Variants in APBB2 observed in about 807,000 individuals in gnomAD.
The protein encoded by APBB2 is amyloid beta precursor protein binding family B member 2.
In APBB2, 38 loss-of-function variants were observed where a neutral mutation model predicts 82.5. That is an observed-to-expected ratio of 0.46 (90% CI 0.36 to 0.60). APBB2 has a LOEUF of 0.60. APBB2 is among the 20% of genes least tolerant of loss of function. The probability of loss-of-function intolerance (pLI) is 0.00; values close to 1 mark genes in which losing one functional copy is unlikely to be tolerated. For synonymous variants in APBB2, 341 were observed against 368.2 expected (o/e 0.93, Z 0.85); for missense variants, 772 against 972.3 (o/e 0.79, Z 2.74).
At chr4:40,906,080 A>G (rs1451763158) in intron 10 of APBB2, among the ~76,000 whole-genome samples, 1 of 152,198 alleles carries the variant, frequency 6.6e-6, no homozygotes, top group Non-Finnish European at 1.5e-5. Flanking sequence ...CTTTTAAGAC[A>G]CAAGATACAC....
intron 10 of APBB2, among the ~76,000 whole-genome samples, chr4:40,915,309 G>GTTTTTCTCC (rs1779574565): frequency 6.6e-6 from 1 of 152,106 alleles, no homozygotes; most frequent in South Asian, 2.1e-4. Context: ...CTTCCCTGCT[G>GTTTTTCTCC]TTTTTCTCCA....
At chr4:41,111,029 G>C (rs934485736) in intron 2 of APBB2, among the ~76,000 whole-genome samples, 6 of 152,214 alleles carry the variant, frequency 3.9e-5, no homozygotes, top group Admixed American at 3.9e-4. Flanking sequence ...GACAGTACCA[G>C]ATCATCAGGC....
chr4:41,198,716 G>A (rs1291294625), intron 1 of APBB2, among the ~76,000 whole-genome samples: 3 of 152,128 alleles, frequency 2.0e-5, no homozygotes, highest in Non-Finnish European at 4.4e-5. Context: ...ATTCTCTCTC[G>A]GTTCTAGAAG....
chr4:41,103,599 T>C (rs958572951), intron 2 of APBB2, among the ~76,000 whole-genome samples: 1 of 152,078 alleles, frequency 6.6e-6, no homozygotes, highest in African/African-American at 2.4e-5. Flanking sequence ...AATATACTCA[T>C]CTTCCCAGTT....
chr4:40,966,347 G>A (rs1794650076), intron 6 of APBB2, among the ~76,000 whole-genome samples: 1 of 152,242 alleles, frequency 6.6e-6, no homozygotes, highest in Non-Finnish European at 1.5e-5. Context: ...CCCATCTGGA[G>A]TGCTGCTATG....
chr4:40,944,876 G>A lies in APBB2; in HGVS notation c.1033C>T (p.Pro345Ser). 3 of 1,612,802 alleles carry A rather than the reference G, an allele frequency of 1.9e-6. No homozygotes were observed. Among genetic ancestry groups the A allele is most frequent in the Non-Finnish European group, 2.5e-6 (3 of 1,179,974 alleles). Reference sequence around the variant, plus strand: ...ACACTCCGTTTTACCTCGTTCTCTGGGGTGGGAGATGGCGTTACAGAACTA... The same window carrying A: ...ACACTCCGTTTTACCTCGTTCTCTGAGGTGGGAGATGGCGTTACAGAACTA... ...SLSSVTPSPT[P>S]ENEKQPWSDF... Residue 345 changes from proline (P) to serine (S), a missense_variant, in exon 7 of 18, where the codon CCA (proline) becomes TCA (serine). Physicochemically the swap from Pro to Ser is moderately conservative, Grantham distance 74 (BLOSUM62 -1). Transcript: ENST00000508593.
intron 1 of APBB2, among the ~76,000 whole-genome samples, chr4:41,144,389 G>C (rs1410225017): frequency 6.6e-6 from 1 of 152,202 alleles, no homozygotes; most frequent in Non-Finnish European, 1.5e-5. Context: ...ATAATCTAAA[G>C]ACACCTAAGT....
rs558108476 is a variant in APBB2, at chr4:40,844,177, G to C, written c.1530-13600C>G. On this transcript the variant is annotated intron_variant, in intron 12 of 17. Coordinates refer to ENST00000508593, the MANE Select transcript of APBB2 (RefSeq NM_004307.2). ...AGCTGTGCTCAAATCCAGATGGGTA[G>C]CCACATTCCTTCAAGTACACTGCTT... Among the ~76,000 whole-genome samples, 18 of 152,300 alleles carry C rather than the reference G, an allele frequency of 1.2e-4. No homozygotes were observed. The South Asian group carries it at 3.7e-3, about 32-fold the overall frequency.
intron 12 of APBB2, among the ~76,000 whole-genome samples, chr4:40,883,057 A>C (rs568749264): frequency 6.6e-6 from 1 of 152,284 alleles, no homozygotes; most frequent in South Asian, 2.1e-4. Context: ...CAGAGCAACA[A>C]TCTGGAAGGA....
At chr4:41,049,133 G>A (rs1724666238) in intron 4 of APBB2, among the ~76,000 whole-genome samples, 1 of 150,990 alleles carries the variant, frequency 6.6e-6, no homozygotes, top group South Asian at 2.1e-4. Flanking sequence ...CATCGTCTGA[G>A]ATGTGAGGAG....
rs1319701450 is a variant in APBB2 at position 40,814,169 on chromosome 4, G to A, written c.*1923C>T. The A allele has an allele frequency of 6.6e-6, 1 of 152,200 alleles. No homozygotes were observed. Among genetic ancestry groups the A allele is most frequent in the African/African-American group, 2.4e-5 (1 of 41,440 alleles). The allele number at this position is 152,200 out of a possible 1,614,324, so 9.4% of individuals were successfully genotyped here. On this transcript the variant is annotated 3_prime_UTR_variant, in exon 18 of 18. Coordinates refer to ENST00000508593, the MANE Select transcript of APBB2 (RefSeq NM_004307.2). ...CTGGAAAATCTCGTAGATGGAACAGGCTGTGAATGTAGAATCCTGCCCTCT... is the reference window on the plus strand; with the variant it reads ...CTGGAAAATCTCGTAGATGGAACAGACTGTGAATGTAGAATCCTGCCCTCT...
At chr4:41,126,699 C>T (rs1754503496) in intron 2 of APBB2, among the ~76,000 whole-genome samples, 2 of 152,276 alleles carry the variant, frequency 1.3e-5, no homozygotes, top group Non-Finnish European at 2.9e-5. Context: ...GTGTCAGCAG[C>T]ACTGGTTTAT....
intron 10 of APBB2, among the ~76,000 whole-genome samples, chr4:40,903,694 G>A (rs1775946850): frequency 6.6e-6 from 1 of 152,142 alleles, no homozygotes; most frequent in South Asian, 2.1e-4. Context: ...AAGAGAAATA[G>A]AAGCCACAGG....
intron 1 of APBB2, among the ~76,000 whole-genome samples, chr4:41,158,563 C>T (rs1437980051): frequency 2.0e-5 from 3 of 152,172 alleles, no homozygotes. Context: ...CTAATGCACA[C>T]ATGGAGGTGA....
At chr4:40,860,648 A>C (rs1762535216) in intron 12 of APBB2, among the ~76,000 whole-genome samples, 1 of 152,138 alleles carries the variant, frequency 6.6e-6, no homozygotes, top group South Asian at 2.1e-4. Flanking sequence ...GCAAATTATC[A>C]AACCTGAGGG....
chr4:40,932,563 T>C (rs905597589), intron 10 of APBB2, among the ~76,000 whole-genome samples: 1 of 152,208 alleles, frequency 6.6e-6, no homozygotes, highest in Non-Finnish European at 1.5e-5. Flanking sequence ...GCGATGTTAC[T>C]TGTAGACACA....
At chr4:41,031,981 T>C (rs573692780) in intron 5 of APBB2, among the ~76,000 whole-genome samples, 90 of 152,310 alleles carry the variant, frequency 5.9e-4, no homozygotes, top group African/African-American at 2.0e-3. Context: ...TCTAAGACAC[T>C]GATATTCCTG....
intron 5 of APBB2, among the ~76,000 whole-genome samples, chr4:41,032,007 GTCATAGTTTTTGGCTGTTTTTT>G (rs1717016673): frequency 6.6e-6 from 1 of 152,082 alleles, no homozygotes; most frequent in African/African-American, 2.4e-5. Context: ...ACTCAGGTTT[GTCATAGTTTTTGGCTGTTTTTT>G]ATAAAAGAAT....
chr4:41,149,765 AATC>A (rs563818898), intron 1 of APBB2, among the ~76,000 whole-genome samples: 4 of 152,242 alleles, frequency 2.6e-5, no homozygotes, highest in African/African-American at 9.6e-5. Flanking sequence ...GCGGTAACTG[AATC>A]ACTGAATCAT....
Sources: gnomAD v4.1 joint callset for allele counts (sites outside exome capture counted in the v4.1 genomes callset) on GRCh38, gnomAD v4.1.1 for gene constraint, MANE v1.5 for transcripts, NCBI Gene and HGNC (gene_info 2026-07-23, HGNC 2026-07-21) for gene names.